INPP5D: variants seen among roughly 807,000 people sequenced by gnomAD.
INPP5D encodes the protein inositol polyphosphate-5-phosphatase D, also known as phosphatidylinositol 3,4,5-trisphosphate 5-phosphatase 1.
A neutral mutation model predicts 122.9 loss-of-function variants in INPP5D; 33 were observed. That is an observed-to-expected ratio of 0.27 (90% CI 0.20 to 0.36). INPP5D has a LOEUF of 0.36. Ranked by LOEUF, INPP5D falls within the 10% of genes least tolerant of loss-of-function variation. The pLI is 1.00. For missense variants in INPP5D, 1,053 were observed against 1,412.7 expected, an observed-to-expected ratio of 0.75 and a Z score of 4.08; for synonymous variants, 584 against 576.2, an observed-to-expected ratio of 1.01 and a Z score of -0.19.
At chr2:233,073,533 C>T (rs146567343) in intron 1 of INPP5D, among the ~76,000 whole-genome samples, 14 of 149,302 alleles carry the variant, frequency 9.4e-5, no homozygotes, top group East Asian at 8.1e-4. Context: ...CCAGCTACTC[C>T]GGAGGCTGAG....
Position 233,182,490 on chromosome 2 carries a change from T to G in INPP5D, c.2152T>G (p.Ser718Ala). Residue 718 changes from serine to alanine, a missense_variant, in exon 19 of 27, where the codon TCC becomes GCC. By Grantham distance (99) the Ser-to-Ala change is moderately conservative. Around this residue, in one of 6 missense-constraint regions of INPP5D, gnomAD observed 258 missense variants for 439.1 expected, o/e 0.59. Transcript: ENST00000445964. ...GGCAGGAGTCACTTCCCAGTTTGTCTCCAAGAACGGTAAGCAAAGGATGGT... is the reference window on the plus strand; with the variant it reads ...GGCAGGAGTCACTTCCCAGTTTGTCGCCAAGAACGGTAAGCAAAGGATGGT... ...FEAGVTSQFV[S>A]KNGPGTVDSQ... 1 of 1,613,396 alleles carries G rather than the reference T, an allele frequency of 6.2e-7. No homozygotes were observed. Among genetic ancestry groups the G allele is most frequent in the African/African-American group, 1.3e-5 (1 of 75,046 alleles).
intron 10 of INPP5D, among the ~76,000 whole-genome samples, chr2:233,159,722 C>T (rs969976591): frequency 4.8e-5 from 7 of 146,722 alleles, no homozygotes; most frequent in Admixed American, 6.8e-5. Context: ...AAGATTGCAG[C>T]GCAATAAGGG....
At chr2:233,072,219 AAG>A (rs1691400191) in intron 1 of INPP5D, among the ~76,000 whole-genome samples, 1 of 152,200 alleles carries the variant, frequency 6.6e-6, no homozygotes, top group Non-Finnish European at 1.5e-5. Flanking sequence ...TAGTTTTAGA[AAG>A]AGTTCTGAAG....
chr2:233,110,563 C>T (rs1692596160), intron 2 of INPP5D, among the ~76,000 whole-genome samples: 1 of 152,096 alleles, frequency 6.6e-6, no homozygotes, highest in Non-Finnish European at 1.5e-5. Context: ...CACACTCGTA[C>T]CAATTACATG....
intron 25 of INPP5D, among the ~76,000 whole-genome samples, chr2:233,202,615 C>T (rs541041123): frequency 1.3e-4 from 20 of 152,284 alleles, no homozygotes; most frequent in Admixed American, 2.0e-4. Context: ...CAGTAACAGG[C>T]GCAACAGCCT....
rs1448212833 is a variant in INPP5D at position 233,164,330 on chromosome 2, C to T, written c.1461C>T (p.Asn487=). The change falls in exon 13 of 27, where the codon AAC becomes AAT. Residue 487 remains asparagine (N), a synonymous_variant. Coordinates refer to ENST00000445964, the MANE Select transcript of INPP5D (RefSeq NM_001017915.3). This position sits in a 1 kb window ranked among gnomAD's most constrained non-coding sequence, Gnocchi z 4.3. ...FKTVAIHTLW[N]IRIVVLAKPE... is the part of the protein sequence containing the mutation. ...AGGTCGCCATCCACACGCTCTGGAA[C>T]ATCCGCATCGTGGTGCTGGCCAAGC... The T allele has an allele frequency of 1.3e-6, 2 of 1,551,760 alleles. No individual in the cohort carries two copies. The highest frequency in any genetic ancestry group is 8.7e-7 in the Non-Finnish European group (1 of 1,147,092).
intron 25 of INPP5D, among the ~76,000 whole-genome samples, chr2:233,199,847 T>A (rs1574806484): frequency 6.7e-6 from 1 of 149,148 alleles, no homozygotes; most frequent in South Asian, 2.2e-4. Context: ...AGAAAAAAAA[T>A]GTTTCTAGAG....
chr2:233,099,615 A>G (rs1692246714), intron 2 of INPP5D, among the ~76,000 whole-genome samples: 1 of 152,226 alleles, frequency 6.6e-6, no homozygotes, highest in African/African-American at 2.4e-5. Context: ...GGTGGCCCCT[A>G]TGTTGGATTT....
intron 2 of INPP5D, among the ~76,000 whole-genome samples, chr2:233,094,849 T>C (rs1373748769): frequency 6.6e-6 from 1 of 152,128 alleles, no homozygotes; most frequent in Non-Finnish European, 1.5e-5. Context: ...CGACAAATGC[T>C]CTGGAGGGCA....
chr2:233,081,073 T>C (rs1357519410), intron 2 of INPP5D, among the ~76,000 whole-genome samples: 1 of 152,236 alleles, frequency 6.6e-6, no homozygotes, highest in Non-Finnish European at 1.5e-5. Context: ...TCCACTGGCC[T>C]AGGGCGCCCG....
At chr2:233,158,446 G>A (rs762086030) in intron 10 of INPP5D, 27 bp downstream of exon 10, 11 of 694,982 alleles carry the variant, frequency 1.6e-5, no homozygotes, top group South Asian at 1.2e-4. Flanking sequence ...TTCTAAAATG[G>A]GCTGTGAGGT....
At chr2:233,195,363 G>T (rs1559345890) in intron 23 of INPP5D, 36 bp from the exon 24 acceptor site, 1 of 1,613,300 alleles carries the variant, frequency 6.2e-7, no homozygotes, top group East Asian at 2.2e-5. Context: ...TGGAAGCTGG[G>T]CCCTCACATG....
chr2:233,184,603 C>A, intron 20 of INPP5D, 82 bp downstream of exon 20: 1 of 1,537,124 alleles, frequency 6.5e-7, no homozygotes, highest in South Asian at 1.2e-5. Flanking sequence ...CACTTTGCCC[C>A]ATATCTTCTC....
chr2:233,137,832 CAAA>C (rs746005379), intron 5 of INPP5D, among the ~76,000 whole-genome samples: 17 of 10,140 alleles, frequency 1.7e-3, no homozygotes, highest in African/African-American at 3.5e-3. Context: ...AACTCCATCA[CAAA>C]AAAAAAAAAA....
intron 9 of INPP5D, among the ~76,000 whole-genome samples, chr2:233,153,071 C>A (rs577085530): frequency 1.3e-5 from 2 of 152,130 alleles, no homozygotes; most frequent in Non-Finnish European, 2.9e-5. Context: ...ACCTGCTGAT[C>A]GATACCATGT....
Position 233,206,826 on chromosome 2 carries a change from G to A in INPP5D, c.*118G>A. On this transcript the variant is annotated 3_prime_UTR_variant, in exon 27 of 27. Coordinates refer to ENST00000445964, the MANE Select transcript of INPP5D (RefSeq NM_001017915.3). The surrounding 1 kb of genome is among the most constrained non-coding windows in gnomAD (Gnocchi z 4.0). Reference sequence around the variant, plus strand: ...CCCAGCTTCCTATGCAAGGCTTTGTGTTTTCAGGAAAGGGCCTAGCTTCTG... The same window carrying A: ...CCCAGCTTCCTATGCAAGGCTTTGTATTTTCAGGAAAGGGCCTAGCTTCTG... The A allele has an allele frequency of 1.4e-6, 1 of 705,336 alleles. No homozygotes were observed. Among genetic ancestry groups the A allele is most frequent in the Non-Finnish European group, 2.6e-6 (1 of 377,464 alleles). The allele number at this position is 705,336 out of a possible 1,614,324, so 43.7% of individuals were successfully genotyped here.
At chr2:233,142,793 C>A (rs1287163184) in intron 6 of INPP5D, among the ~76,000 whole-genome samples, 1 of 152,096 alleles carries the variant, frequency 6.6e-6, no homozygotes, top group Non-Finnish European at 1.5e-5. Context: ...AGCAGTCAGA[C>A]CAGTCTACCC....
At chr2:233,073,875 G>C (rs1691447903) in intron 1 of INPP5D, among the ~76,000 whole-genome samples, 1 of 152,124 alleles carries the variant, frequency 6.6e-6, no homozygotes, top group African/African-American at 2.4e-5. Context: ...CGTCCCGGCT[G>C]TCCCTAATGG....
At chr2:233,196,193 C>T (rs1695179367) in intron 24 of INPP5D, among the ~76,000 whole-genome samples, 1 of 152,150 alleles carries the variant, frequency 6.6e-6, no homozygotes, top group Non-Finnish European at 1.5e-5. Flanking sequence ...AACTGAAGCA[C>T]AGAGAAACCC....
Sources: gnomAD v4.1 joint callset for allele counts (sites outside exome capture counted in the v4.1 genomes callset) on GRCh38, gnomAD v4.1.1 for gene constraint, gnomAD v4.1.1 regional missense constraint, Gnocchi (gnomAD v3.1) non-coding constraint, MANE v1.5 for transcripts, NCBI Gene and HGNC (gene_info 2026-07-23, HGNC 2026-07-21) for gene names.